The following B3GALT1 variants were observed in gnomAD, a reference collection of about 807,000 sequenced individuals.
B3GALT1 encodes beta-1,3-galactosyltransferase 1.
B3GALT1 carries 10 observed loss-of-function variants against 23.2 expected under a neutral mutation model. The observed-to-expected ratio is 0.43, with a 90% CI of 0.27 to 0.73. The LOEUF is 0.73. Ranked by LOEUF, B3GALT1 falls within the 30% of genes least tolerant of loss-of-function variation. The probability of loss-of-function intolerance (pLI) is 0.21; values close to 1 mark genes in which losing one functional copy is unlikely to be tolerated. For synonymous variants in B3GALT1, 156 were observed against 141.5 expected (o/e 1.10, Z -0.73); for missense variants, 299 against 405.4 (o/e 0.74, Z 2.25).
chr2:167,401,058 T>A (rs1167838951), intron 1 of B3GALT1, among the ~76,000 whole-genome samples: 4 of 152,070 alleles, frequency 2.6e-5, no homozygotes, highest in Non-Finnish European at 4.4e-5. Context: ...TAGTTAGAAA[T>A]CATCATTATT....
At position 167,866,985 on chromosome 2, in the gene B3GALT1, G is replaced by A. The variant is rs1052697378; in HGVS notation, c.-229-1826G>A. Among the ~76,000 whole-genome samples the A allele has an allele frequency of 4.6e-5, 7 of 151,960 alleles. No individual in the cohort carries two copies. In the East Asian group the frequency reaches 5.8e-4, roughly 13 times the overall value. On this transcript the variant is annotated intron_variant, in intron 4 of 4. Coordinates refer to ENST00000392690, the MANE Select transcript of B3GALT1 (RefSeq NM_020981.4). ...TTTGTCGCCCAGGCTGGAGTGCAGT[G>A]GCGCAATCTCAGCTCACTGCAAGCT...
At chr2:167,544,905 G>A (rs1028854917) in intron 2 of B3GALT1, among the ~76,000 whole-genome samples, 7 of 151,974 alleles carry the variant, frequency 4.6e-5, no homozygotes, top group African/African-American at 1.7e-4. Context: ...TTAGAGAAAC[G>A]CGCATGTACC....
chr2:167,624,075 C>G (rs1263756247), intron 2 of B3GALT1, among the ~76,000 whole-genome samples: 1 of 151,982 alleles, frequency 6.6e-6, no homozygotes, highest in African/African-American at 2.4e-5. Context: ...AGTCAAGATT[C>G]AATGGGCTAA....
rs1690385033 is a variant in B3GALT1, at chr2:167,873,172, T to C, written c.*3152T>C. The C allele has an allele frequency of 6.6e-6, 1 of 152,172 alleles. No homozygotes were observed. Among genetic ancestry groups the C allele is most frequent in the Admixed American group, 6.5e-5 (1 of 15,278 alleles). The allele number at this position is 152,172 out of a possible 1,614,324, so 9.4% of individuals were successfully genotyped here. A position where few individuals can be genotyped will look rare whatever the true frequency, so the allele number is the denominator to read the frequency against. Reference sequence around the variant, plus strand: ...TCTCAGACAATTTTTACAAAAACTCTTTTTTTCCATTATGCACTGGATAAT... The same window carrying C: ...TCTCAGACAATTTTTACAAAAACTCCTTTTTTCCATTATGCACTGGATAAT... On this transcript the variant is annotated 3_prime_UTR_variant, in exon 5 of 5. Coordinates refer to ENST00000392690, the MANE Select transcript of B3GALT1 (RefSeq NM_020981.4).
At chr2:167,482,369 G>A (rs1699572785) in intron 1 of B3GALT1, among the ~76,000 whole-genome samples, 1 of 152,184 alleles carries the variant, frequency 6.6e-6, no homozygotes, top group South Asian at 2.1e-4. Context: ...CTGATGGGAA[G>A]TAAGTATGAA....
chr2:167,685,590 C>A (rs1000948986), intron 3 of B3GALT1, among the ~76,000 whole-genome samples: 4 of 152,046 alleles, frequency 2.6e-5, no homozygotes, highest in African/African-American at 9.7e-5. Flanking sequence ...AGGAGCCTGA[C>A]ATATTTAAAG....
At chr2:167,591,985 A>G (rs1440714975) in intron 2 of B3GALT1, among the ~76,000 whole-genome samples, 1 of 152,152 alleles carries the variant, frequency 6.6e-6, no homozygotes, top group Non-Finnish European at 1.5e-5. Context: ...GGTAGATCCA[A>G]TAGGATTTGA....
intron 1 of B3GALT1, among the ~76,000 whole-genome samples, chr2:167,390,813 T>TG (rs1182148628): frequency 6.6e-6 from 1 of 152,096 alleles, no homozygotes; most frequent in Non-Finnish European, 1.5e-5. Context: ...AATGAATGAA[T>TG]GAGTCAATCA....
intron 1 of B3GALT1, among the ~76,000 whole-genome samples, chr2:167,371,157 T>A (rs1258356149): frequency 6.6e-6 from 1 of 151,748 alleles, no homozygotes; most frequent in East Asian, 1.9e-4. Context: ...AGAGCTTCTT[T>A]ACAAAAAATG....
chr2:167,869,898 C>T lies in B3GALT1; in HGVS notation c.859C>T (p.His287Tyr), dbSNP rs1306679133. 1.7e-5 allele frequency: 27 copies of T among 1,614,072 alleles called. No individual in the cohort carries two copies. Among genetic ancestry groups the T allele is most frequent in the Non-Finnish European group, 2.2e-5 (26 of 1,180,044 alleles). The change falls in exon 5 of 5, where the codon CAC (histidine) becomes TAC (tyrosine). Residue 287 changes from histidine to tyrosine, a missense_variant. By Grantham distance (83) the His-to-Tyr change is moderately conservative (BLOSUM62 2). Around this residue, in one of 3 missense-constraint regions of B3GALT1, gnomAD observed 133 missense variants for 204.8 expected, o/e 0.65. Transcript: ENST00000392690. This position sits in a 1 kb window ranked among gnomAD's most constrained non-coding sequence, Gnocchi z 6.4. ...TCCTTTCCAGAACAGTGGCTTCAATCACTGGAAAATGGCCTACAGTTTGTG... is the reference window on the plus strand; with the variant it reads ...TCCTTTCCAGAACAGTGGCTTCAATTACTGGAAAATGGCCTACAGTTTGTG... ...IHPFQNSGFN[H>Y]WKMAYSLCRY... is the part of the protein sequence containing the mutation.
At chr2:167,437,310 A>G (rs1013188308) in intron 1 of B3GALT1, among the ~76,000 whole-genome samples, 2 of 152,188 alleles carry the variant, frequency 1.3e-5, no homozygotes, top group Admixed American at 6.5e-5. Flanking sequence ...TGCCTACCCT[A>G]TTTTGAGGAC....
intron 1 of B3GALT1, among the ~76,000 whole-genome samples, chr2:167,382,041 A>G (rs1410975406): frequency 6.6e-6 from 1 of 152,220 alleles, no homozygotes; most frequent in Non-Finnish European, 1.5e-5. Context: ...CTGATTGTAC[A>G]ATAGAAATAA....
chr2:167,840,650 A>G (rs1689624605), intron 4 of B3GALT1, among the ~76,000 whole-genome samples: 2 of 151,494 alleles, frequency 1.3e-5, no homozygotes, highest in South Asian at 2.1e-4. Context: ...TAGAAATACC[A>G]TTTGACCCAG....
At chr2:167,697,670 T>C (rs1284091011) in intron 3 of B3GALT1, among the ~76,000 whole-genome samples, 1 of 152,204 alleles carries the variant, frequency 6.6e-6, no homozygotes, top group East Asian at 1.9e-4. Context: ...AATCAAGTAT[T>C]ATGATACCTA....
chr2:167,657,212 T>C (rs1685969800), intron 3 of B3GALT1, among the ~76,000 whole-genome samples: 2 of 151,862 alleles, frequency 1.3e-5, no homozygotes, highest in Admixed American at 1.3e-4. Context: ...GACAGTTGAG[T>C]TTGCAAACTT....
chr2:167,607,524 C>CGT (rs768888091), intron 2 of B3GALT1, among the ~76,000 whole-genome samples: 8 of 152,082 alleles, frequency 5.3e-5, no homozygotes, highest in African/African-American at 1.9e-4. Context: ...TGAGTGTGTG[C>CGT]GTGTGTGTGT....
intron 3 of B3GALT1, among the ~76,000 whole-genome samples, chr2:167,724,658 ATTAGAAATAAAT>A (rs1374595560): frequency 6.6e-6 from 1 of 152,252 alleles, no homozygotes; most frequent in Non-Finnish European, 1.5e-5. Context: ...TTCATTATAT[ATTAGAAATAAAT>A]CATATCTTTT....
chr2:167,827,033 T>C (rs79243457), intron 4 of B3GALT1, among the ~76,000 whole-genome samples: 69 of 152,272 alleles, frequency 4.5e-4, no homozygotes, highest in Non-Finnish European at 7.8e-4. Flanking sequence ...CTCTACCAAA[T>C]GTCCTCGACA....
In B3GALT1 at chr2:167,824,843, C is replaced by T. The variant is rs149215349; in HGVS notation, c.-230+6050C>T. On this transcript the variant is annotated intron_variant, in intron 4 of 4. Transcript: ENST00000392690. The stretch of plus-strand genomic sequence containing the variant: ...TCAGGGTTGCAGGATCATGAATTTA[C>T]CTTTGCATATGTTGCATTCAGATGC... Among the ~76,000 whole-genome samples, 98 of 152,270 alleles carry T rather than the reference C, an allele frequency of 6.4e-4. 1 individual carries two copies. In the East Asian group the frequency reaches 0.017, roughly 26 times the overall value.
Sources: gnomAD v4.1 joint callset for allele counts (sites outside exome capture counted in the v4.1 genomes callset) on GRCh38, gnomAD v4.1.1 for gene constraint, gnomAD v4.1.1 regional missense constraint, Gnocchi (gnomAD v3.1) non-coding constraint, MANE v1.5 for transcripts, NCBI Gene and HGNC (gene_info 2026-07-23, HGNC 2026-07-21) for gene names.